The following ENTREP2 variants were observed in gnomAD, a reference collection of about 807,000 sequenced individuals.
ENTREP2 encodes the protein endosomal transmembrane epsin interactor 2.
At chr15:29,460,490 G>A in the ENTREP2 span, among the ~76,000 whole-genome samples, 3 of 152,146 alleles carry the variant, frequency 2.0e-5, no homozygotes, top group South Asian at 2.1e-4. Context: ...AAATTAGCCC[G>A]GCACGGTGGC....
the ENTREP2 span, among the ~76,000 whole-genome samples, chr15:29,200,683 T>C: frequency 6.6e-6 from 1 of 151,958 alleles, no homozygotes; most frequent in Admixed American, 6.6e-5. Context: ...CTCAGCCTCC[T>C]GAGTAGCTGG....
the ENTREP2 span, among the ~76,000 whole-genome samples, chr15:29,192,955 T>C: frequency 2.9e-4 from 44 of 152,136 alleles, no homozygotes; most frequent in Non-Finnish European, 5.0e-4. Context: ...CTCAGCAAAC[T>C]AGGAATAGGA....
chr15:29,269,802 C>T, the ENTREP2 span: 4 of 1,177,552 alleles, frequency 3.4e-6, no homozygotes, highest in African/African-American at 6.6e-5. Flanking sequence ...CCTGGAGGCG[C>T]GCGCAGTGTC....
the ENTREP2 span, chr15:29,373,485 C>G: frequency 2.0e-5 from 3 of 152,088 alleles, no homozygotes; most frequent in African/African-American, 7.2e-5. Flanking sequence ...ATGGAGGCTC[C>G]TCCAGTTTAG....
chr15:29,310,960 G>C, the ENTREP2 span, among the ~76,000 whole-genome samples: 2 of 152,116 alleles, frequency 1.3e-5, no homozygotes, highest in Admixed American at 1.3e-4. Context: ...GAACAGAGTA[G>C]ACATGAGTGA....
At chr15:29,151,690 C>G in the ENTREP2 span, 2 of 1,467,262 alleles carry the variant, frequency 1.4e-6, no homozygotes, top group African/African-American at 1.4e-5. Context: ...CACTCCTACA[C>G]TGGTTTCAAA....
the ENTREP2 span, among the ~76,000 whole-genome samples, chr15:29,484,426 A>T: frequency 1.6e-4 from 24 of 152,240 alleles, no homozygotes; most frequent in Admixed American, 3.9e-4. Flanking sequence ...GCAGTACTGC[A>T]TGAAGATTAA....
chr15:29,647,610 A>G, the ENTREP2 span, among the ~76,000 whole-genome samples: 41 of 152,294 alleles, frequency 2.7e-4, 1 homozygote, highest in East Asian at 7.4e-3. Flanking sequence ...TAGAATGACT[A>G]ACAGTATACA....
the ENTREP2 span, among the ~76,000 whole-genome samples, chr15:29,389,900 C>T: frequency 6.6e-6 from 1 of 152,332 alleles, no homozygotes; most frequent in African/African-American, 2.4e-5. Context: ...GCACAGACTT[C>T]ACTCCCCCCA....
At chr15:29,313,753 T>C in the ENTREP2 span, among the ~76,000 whole-genome samples, 19 of 152,164 alleles carry the variant, frequency 1.2e-4, no homozygotes, top group African/African-American at 4.6e-4. Flanking sequence ...CACTTTCAAG[T>C]CTTATTATTT....
chr15:29,642,504 T>C, the ENTREP2 span, among the ~76,000 whole-genome samples: 1 of 135,082 alleles, frequency 7.4e-6, no homozygotes. Flanking sequence ...TATACACATA[T>C]ATATCATATA....
chr15:29,129,913 G>A, the ENTREP2 span, among the ~76,000 whole-genome samples: 1 of 152,326 alleles, frequency 6.6e-6, no homozygotes, highest in Non-Finnish European at 1.5e-5. Context: ...TTTCAGAATT[G>A]CTTTGGGGAT....
the ENTREP2 span, chr15:29,196,616 G>A: frequency 8.5e-6 from 13 of 1,525,992 alleles, no homozygotes; most frequent in African/African-American, 1.4e-4. Context: ...TTCGACCCCC[G>A]AGGGTACGCG....
At chr15:29,533,214 T>C in the ENTREP2 span, among the ~76,000 whole-genome samples, 2 of 152,210 alleles carry the variant, frequency 1.3e-5, no homozygotes, top group African/African-American at 4.8e-5. Flanking sequence ...CTCCATTCTC[T>C]TGCAGTGCGC....
the ENTREP2 span, among the ~76,000 whole-genome samples, chr15:29,162,055 G>C: frequency 6.6e-6 from 1 of 152,200 alleles, no homozygotes; most frequent in East Asian, 1.9e-4. Context: ...CTGGAGAAAA[G>C]GAAGGTCTGT....
the ENTREP2 span, among the ~76,000 whole-genome samples, chr15:29,172,787 T>A: frequency 6.6e-6 from 1 of 151,940 alleles, no homozygotes; most frequent in African/African-American, 2.4e-5. Context: ...TCACCTGCAA[T>A]CCTCCCTGGG....
the ENTREP2 span, among the ~76,000 whole-genome samples, chr15:29,434,351 A>G: frequency 2.6e-5 from 4 of 152,194 alleles, no homozygotes; most frequent in Non-Finnish European, 5.9e-5. Flanking sequence ...AACATTGCAA[A>G]GTGTTTCCTT....
chr15:29,228,638 G>A, the ENTREP2 span, among the ~76,000 whole-genome samples: 2 of 152,110 alleles, frequency 1.3e-5, no homozygotes, highest in South Asian at 2.1e-4. Flanking sequence ...AAAGAAAAAG[G>A]ACTCTCACTT....
the ENTREP2 span, among the ~76,000 whole-genome samples, chr15:29,317,840 C>G: frequency 6.6e-6 from 1 of 152,122 alleles, no homozygotes; most frequent in Non-Finnish European, 1.5e-5. Context: ...GAGAAGAATT[C>G]TCAGCACTGA....
Sources: allele counts gnomAD v4.1 joint callset (sites outside exome capture counted in the v4.1 genomes callset), GRCh38; gene constraint gnomAD v4.1.1; transcripts MANE v1.5; gene names NCBI Gene and HGNC (gene_info 2026-07-23, HGNC 2026-07-21).